Variants in ZCCHC10 observed in about 807,000 individuals in gnomAD.
ZCCHC10 encodes zinc finger CCHC-type containing 10, also known as zinc finger CCHC domain-containing protein 10.
In ZCCHC10, 16 loss-of-function variants were observed where a neutral mutation model predicts 19.5. The ratio of observed to expected loss-of-function variants is 0.82; its 90% CI spans 0.56 to 1.25. The LOEUF (loss-of-function observed/expected upper bound fraction) is 1.25, where lower values mean the gene tolerates loss of function less well. Ranked by LOEUF, ZCCHC10 falls within the 50% of genes most tolerant of loss-of-function variation. The pLI, the probability that ZCCHC10 is intolerant of heterozygous loss-of-function variation, is 0.00. For synonymous variants in ZCCHC10, 67 were observed against 72.5 expected (o/e 0.92, Z 0.38); for missense variants, 197 against 201.0 (o/e 0.98, Z 0.12).
chr5:132,998,207 C>T lies in ZCCHC10; in HGVS notation c.*376G>A, dbSNP rs1051344548. The stretch of plus-strand genomic sequence containing the variant: ...ACATACAGCCAAAAGCATTAGAAAT[C>T]CACTGCCAGATATCCTGACGCACCA... On this transcript the variant is annotated 3_prime_UTR_variant, in exon 5 of 5. Transcript: ENST00000509437. 2 of 168,438 alleles carry T rather than the reference C, an allele frequency of 1.2e-5. No homozygotes were observed. The highest frequency in any genetic ancestry group is 4.8e-5 in the African/African-American group (2 of 41,576). 10.4% of individuals were successfully genotyped at this position (168,438 alleles called of 1,614,324 possible).
chr5:133,005,835 G>A (rs1246399815), intron 3 of ZCCHC10, among the ~76,000 whole-genome samples: 1 of 152,132 alleles, frequency 6.6e-6, no homozygotes, highest in African/African-American at 2.4e-5. Flanking sequence ...AATTGTATAT[G>A]AATGTTGATA....
At chr5:133,012,355 C>G (rs1763611506) in intron 2 of ZCCHC10, among the ~76,000 whole-genome samples, 1 of 151,034 alleles carries the variant, frequency 6.6e-6, no homozygotes, top group Admixed American at 6.6e-5. Context: ...GTAATCCCAG[C>G]TACTTGGGAG....
intron 1 of ZCCHC10, among the ~76,000 whole-genome samples, chr5:133,025,467 GCAC>G (rs1764616937): frequency 8.0e-6 from 1 of 125,574 alleles, no homozygotes; most frequent in Admixed American, 1.1e-4. Context: ...TTGCACCTCT[GCAC>G]TCCAGCCTGG....
chr5:133,000,406 G>A (rs1458501329), intron 3 of ZCCHC10, among the ~76,000 whole-genome samples: 1 of 152,080 alleles, frequency 6.6e-6, no homozygotes. Context: ...ATGCATCTTA[G>A]CACGTGTATA....
At chr5:133,020,763 C>A (rs1260317649) in intron 2 of ZCCHC10, among the ~76,000 whole-genome samples, 1 of 152,088 alleles carries the variant, frequency 6.6e-6, no homozygotes, top group Non-Finnish European at 1.5e-5. Context: ...CTCTGTCACC[C>A]AGGCTGGAGT....
intron 2 of ZCCHC10, chr5:133,019,343 A>G (rs1417134193): frequency 4.6e-6 from 1 of 218,684 alleles, no homozygotes; most frequent in Non-Finnish European, 9.4e-6. Flanking sequence ...GAGTTAGACA[A>G]ACAAAATTTC....
At position 132,997,844 on chromosome 5, in the gene ZCCHC10, T is replaced by G. The variant is rs188974120; in HGVS notation, c.*739A>C. 30 of 152,318 alleles carry G rather than the reference T, an allele frequency of 2.0e-4. No individual in the cohort carries two copies. The East Asian group carries it at 5.8e-3, about 29-fold the overall frequency. 9.4% of individuals were successfully genotyped at this position (152,318 alleles called of 1,614,324 possible). ...TTAAGTTAGCCTCTTACATGGCTGC[T>G]TTCTTTTCTGATACACTGACTTTTA... is the stretch of plus-strand genomic sequence containing the variant. On this transcript the variant is annotated 3_prime_UTR_variant, in exon 5 of 5. Transcript: ENST00000509437.
intron 3 of ZCCHC10, among the ~76,000 whole-genome samples, chr5:133,006,168 A>T (rs1763109182): frequency 6.8e-6 from 1 of 147,164 alleles, no homozygotes; most frequent in Non-Finnish European, 1.5e-5. Context: ...TATTTTTAGT[A>T]GGGATGGAAT....
chr5:133,022,284 C>T (rs1764364015), intron 2 of ZCCHC10, among the ~76,000 whole-genome samples: 1 of 151,938 alleles, frequency 6.6e-6, no homozygotes, highest in South Asian at 2.1e-4. Flanking sequence ...ACACATTAGC[C>T]TAGGTCTACA....
chr5:133,025,523 A>G (rs965649814), intron 1 of ZCCHC10, among the ~76,000 whole-genome samples: 3 of 148,642 alleles, frequency 2.0e-5, no homozygotes, highest in Admixed American at 6.7e-5. Flanking sequence ...AAAAAAAAAA[A>G]AAAAAAAAAA....
At chr5:133,007,530 G>C (rs1452311830) in intron 2 of ZCCHC10, among the ~76,000 whole-genome samples, 1 of 148,008 alleles carries the variant, frequency 6.8e-6, no homozygotes, top group Non-Finnish European at 1.5e-5. Context: ...GCAACAGAGC[G>C]AGACTCCGTC....
chr5:133,012,055 CA>C (rs2126606548), intron 2 of ZCCHC10, among the ~76,000 whole-genome samples: 1 of 137,382 alleles, frequency 7.3e-6, no homozygotes, highest in African/African-American at 2.7e-5. Context: ...GAGAATTGCT[CA>C]AACCTGGGAG....
At chr5:133,003,169 CT>C in intron 3 of ZCCHC10, 1 of 351,876 alleles carries the variant, frequency 2.8e-6, no homozygotes, top group South Asian at 2.6e-5. Context: ...GTTGATCCCC[CT>C]TTTTGTATTT....
Position 133,017,369 on chromosome 5 carries a change from A to ATT in ZCCHC10, c.107+5470_107+5471dup, listed in dbSNP as rs11452608. Among the ~76,000 whole-genome samples, 65 of 149,082 alleles carry ATT rather than the reference A, an allele frequency of 4.4e-4. 1 individual carries two copies. The highest frequency in any genetic ancestry group is 7.9e-4 in the Non-Finnish European group (53 of 67,168). On this transcript the variant is annotated intron_variant, in intron 2 of 4. Transcript: ENST00000509437. ...GAACTATAAAAATGTCCATAGCATG[A>ATT]TTTTTTTTTTTCATTTTTGAGACAG...
At position 132,997,963 on chromosome 5, in the gene ZCCHC10, T is replaced by C. The variant is rs1762528896; in HGVS notation, c.*620A>G. 6.6e-6 allele frequency: 1 copy of C among 152,170 alleles called. No individual in the cohort carries two copies. The highest frequency in any genetic ancestry group is 1.5e-5 in the Non-Finnish European group (1 of 68,014). 9.4% of individuals were successfully genotyped at this position (152,170 alleles called of 1,614,324 possible). ...ATAATTTTCCTCAGAAAAGGATAAC[T>C]TGAAAAACTTAAGGAACCAGAAGAA... On this transcript the variant is annotated 3_prime_UTR_variant, in exon 5 of 5. Coordinates refer to ENST00000509437, the MANE Select transcript of ZCCHC10 (RefSeq NM_001300816.3).
chr5:133,016,906 C>A (rs1763959073), intron 2 of ZCCHC10, among the ~76,000 whole-genome samples: 1 of 150,344 alleles, frequency 6.7e-6, no homozygotes, highest in Non-Finnish European at 1.5e-5. Flanking sequence ...CTGCCCTGCA[C>A]CCCCACCCAC....
At chr5:133,004,787 G>A (rs1209280165) in intron 3 of ZCCHC10, among the ~76,000 whole-genome samples, 3 of 152,080 alleles carry the variant, frequency 2.0e-5, no homozygotes, top group African/African-American at 7.2e-5. Flanking sequence ...ACCGTGCCCG[G>A]CTTAATTCTT....
At chr5:133,023,436 C>T (rs1000913534) in intron 1 of ZCCHC10, among the ~76,000 whole-genome samples, 11 of 150,942 alleles carry the variant, frequency 7.3e-5, no homozygotes, top group Admixed American at 2.0e-4. Flanking sequence ...CTTTTTTCCC[C>T]GTCTTCTTCT....
intron 4 of ZCCHC10, 144 bp downstream of exon 4, chr5:132,999,988 T>G: frequency 1.3e-6 from 1 of 768,164 alleles, no homozygotes; most frequent in Non-Finnish European, 2.1e-6. Context: ...CCTCAGGTGA[T>G]CCACCCACCT....
Sources: allele counts gnomAD v4.1 joint callset (sites outside exome capture counted in the v4.1 genomes callset), GRCh38; gene constraint gnomAD v4.1.1; transcripts MANE v1.5; gene names NCBI Gene and HGNC (gene_info 2026-07-23, HGNC 2026-07-21).